TBL1XR1: variants seen among roughly 807,000 people sequenced by gnomAD.
TBL1XR1 encodes the protein F-box-like/WD repeat-containing protein TBL1XR1.
A neutral mutation model predicts 66.9 loss-of-function variants in TBL1XR1; 5 were observed. That is an observed-to-expected ratio of 0.07 (90% CI 0.04 to 0.16). TBL1XR1 has a LOEUF of 0.16. Ranked by LOEUF, TBL1XR1 falls within the 10% of genes least tolerant of loss-of-function variation. TBL1XR1 has a pLI of 1.00. For missense variants in TBL1XR1, 238 were observed against 623.2 expected (o/e 0.38, Z 6.58); for synonymous variants, 210 against 206.0 (o/e 1.02, Z -0.17).
At chr3:177,179,220 C>T (rs1301748656) in intron 1 of TBL1XR1, among the ~76,000 whole-genome samples, 1 of 151,786 alleles carries the variant, frequency 6.6e-6, no homozygotes, top group Non-Finnish European at 1.5e-5. Context: ...AAAACATGGC[C>T]AAACTAGGCC....
At chr3:177,030,914 C>A (rs1241298082) in intron 14 of TBL1XR1, among the ~76,000 whole-genome samples, 1 of 152,134 alleles carries the variant, frequency 6.6e-6, no homozygotes, top group African/African-American at 2.4e-5. Context: ...GAGTCTGGGA[C>A]CAGCCTGGCC....
chr3:177,113,239 AAGCAT>A (rs1353497307), intron 1 of TBL1XR1, among the ~76,000 whole-genome samples: 2 of 152,190 alleles, frequency 1.3e-5, no homozygotes, highest in African/African-American at 2.4e-5. Context: ...TTAAAGACTT[AAGCAT>A]AAGACTCAAA....
At chr3:177,049,518 A>G (rs1197662675) in intron 7 of TBL1XR1, among the ~76,000 whole-genome samples, 1 of 152,204 alleles carries the variant, frequency 6.6e-6, no homozygotes, top group East Asian at 1.9e-4. Flanking sequence ...TAGACTAATG[A>G]TCCCTAAAAG....
At chr3:177,049,241 AAAAGAAC>A (rs1180081923) in intron 7 of TBL1XR1, among the ~76,000 whole-genome samples, 1 of 152,220 alleles carries the variant, frequency 6.6e-6, no homozygotes, top group Non-Finnish European at 1.5e-5. Flanking sequence ...AACAGAAGAG[AAAAGAAC>A]ATTCATTTGC....
intron 1 of TBL1XR1, among the ~76,000 whole-genome samples, chr3:177,188,175 C>T (rs1323504337): frequency 6.6e-6 from 1 of 151,972 alleles, no homozygotes; most frequent in African/African-American, 2.4e-5. Flanking sequence ...CGTGATCCAC[C>T]CACCTCGGCC....
intron 1 of TBL1XR1, among the ~76,000 whole-genome samples, chr3:177,187,010 CAA>C (rs1560278947): frequency 6.6e-6 from 1 of 151,804 alleles, no homozygotes; most frequent in African/African-American, 2.4e-5. Context: ...CCTAAAAACA[CAA>C]AAAAATTAGC....
At chr3:177,181,803 A>AC (rs1486206660) in intron 1 of TBL1XR1, among the ~76,000 whole-genome samples, 1 of 145,254 alleles carries the variant, frequency 6.9e-6, no homozygotes, top group Non-Finnish European at 1.5e-5. Flanking sequence ...TATCAGGTAA[A>AC]CGTAAGGGTT....
intron 2 of TBL1XR1, among the ~76,000 whole-genome samples, chr3:177,088,946 G>T (rs529784100): frequency 1.4e-3 from 207 of 152,200 alleles, no homozygotes; most frequent in Non-Finnish European, 2.0e-3. Flanking sequence ...ACAGTAAATA[G>T]AACAAATTAA....
intron 2 of TBL1XR1, among the ~76,000 whole-genome samples, chr3:177,082,737 A>ATT (rs1242195466): frequency 0.079 from 756 of 9,520 alleles, 69 homozygotes; most frequent in Middle Eastern, 0.22. Context: ...TAAGATAGAG[A>ATT]TTATATATAT....
chr3:177,056,250 TTAAA>T (rs1717792216), intron 3 of TBL1XR1, among the ~76,000 whole-genome samples: 1 of 152,230 alleles, frequency 6.6e-6, no homozygotes, highest in South Asian at 2.1e-4. Context: ...TGACTGCAAT[TTAAA>T]TAGTCAAAAT....
chr3:177,169,464 G>A (rs1304608915), intron 1 of TBL1XR1, among the ~76,000 whole-genome samples: 1 of 152,170 alleles, frequency 6.6e-6, no homozygotes, highest in African/African-American at 2.4e-5. Flanking sequence ...GCTAAGAAAA[G>A]CATGATCATG....
chr3:177,182,798 A>G (rs1047768074), intron 1 of TBL1XR1, among the ~76,000 whole-genome samples: 3 of 152,176 alleles, frequency 2.0e-5, no homozygotes, highest in Non-Finnish European at 4.4e-5. Flanking sequence ...AAATAGTGTA[A>G]CTTCATGCAG....
At chr3:177,090,456 G>A (rs1722682093) in intron 2 of TBL1XR1, among the ~76,000 whole-genome samples, 1 of 150,996 alleles carries the variant, frequency 6.6e-6, no homozygotes, top group African/African-American at 2.4e-5. Context: ...AGGCCAGGAG[G>A]AGTGCTTGAG....
intron 1 of TBL1XR1, among the ~76,000 whole-genome samples, chr3:177,165,726 T>C (rs1241810403): frequency 2.0e-5 from 3 of 151,766 alleles, no homozygotes; most frequent in Non-Finnish European, 2.9e-5. Context: ...CAACAAAGAG[T>C]GCTGGAACAA....
intron 1 of TBL1XR1, among the ~76,000 whole-genome samples, chr3:177,153,210 T>G (rs1731101811): frequency 6.6e-6 from 1 of 152,134 alleles, no homozygotes; most frequent in African/African-American, 2.4e-5. Flanking sequence ...GAATATATCC[T>G]TGAAAATGAA....
chr3:177,146,568 C>T (rs979909306), intron 1 of TBL1XR1, among the ~76,000 whole-genome samples: 1 of 96,168 alleles, frequency 1.0e-5, no homozygotes, highest in African/African-American at 3.9e-5. Flanking sequence ...CCAGCCTGGG[C>T]AGCTGAGCGA....
chr3:177,046,188 G>A lies in TBL1XR1; in HGVS notation c.866C>T (p.Thr289Ile). ...AGTATGTGCGTCCCAAATAATTGTA[G>A]TCTGAGATTAAAAGGAAAAGAAAAA... The part of the protein sequence containing the change: ...NFILSAGVDK[T>I]TIIWDAHTGE... Residue 289 changes from threonine to isoleucine, a missense_variant and splice_region_variant, in exon 10 of 16, where the codon ACT becomes ATT. Thr to Ile is a moderately conservative substitution (Grantham distance 89, BLOSUM62 -1). Around this residue, in one of 8 missense-constraint regions of TBL1XR1, gnomAD observed 89 missense variants for 220.2 expected, o/e 0.40. Coordinates refer to ENST00000457928, the MANE Select transcript of TBL1XR1 (RefSeq NM_024665.7). The A allele has an allele frequency of 6.5e-7, 1 of 1,534,694 alleles. No homozygotes were observed. Among genetic ancestry groups the A allele is most frequent in the East Asian group, 2.5e-5 (1 of 40,714 alleles).
chr3:177,069,290 A>C (rs1453955801), intron 2 of TBL1XR1, among the ~76,000 whole-genome samples: 2 of 152,236 alleles, frequency 1.3e-5, no homozygotes, highest in Non-Finnish European at 2.9e-5. Flanking sequence ...GACCAAAATC[A>C]GGGTCAGATC....
At chr3:177,087,705 T>TA (rs1038772353) in intron 2 of TBL1XR1, among the ~76,000 whole-genome samples, 3 of 146,278 alleles carry the variant, frequency 2.1e-5, no homozygotes. Flanking sequence ...TTTTTTTTTT[T>TA]AAATCATGCA....
Sources: allele counts gnomAD v4.1 joint callset (sites outside exome capture counted in the v4.1 genomes callset), GRCh38; gene constraint gnomAD v4.1.1; regional missense constraint gnomAD v4.1.1; transcripts MANE v1.5; gene names NCBI Gene and HGNC (gene_info 2026-07-23, HGNC 2026-07-21).